Variants in ADCYAP1R1 observed in about 807,000 individuals in gnomAD.
ADCYAP1R1 encodes ADCYAP receptor type I.
ADCYAP1R1 carries 44 observed loss-of-function variants against 67.6 expected under a neutral mutation model. The observed-to-expected ratio is 0.65, with a 90% confidence interval of 0.51 to 0.84. The LOEUF (loss-of-function observed/expected upper bound fraction) is 0.84, where lower values mean the gene tolerates loss of function less well. Ranked by LOEUF, ADCYAP1R1 falls within the 40% of genes least tolerant of loss-of-function variation. The pLI, the probability that ADCYAP1R1 is intolerant of heterozygous loss-of-function variation, is 0.00. For synonymous variants in ADCYAP1R1, 222 were observed against 219.6 expected (o/e 1.01, Z -0.10); for missense variants, 477 against 587.9 (o/e 0.81, Z 1.95).
intron 6 of ADCYAP1R1, among the ~76,000 whole-genome samples, chr7:31,083,681 G>A (rs1320664061): frequency 6.6e-6 from 1 of 152,160 alleles, no homozygotes; most frequent in Admixed American, 6.5e-5. Flanking sequence ...TGTTCCCAAG[G>A]TGTGCCAAGG....
intron 1 of ADCYAP1R1, among the ~76,000 whole-genome samples, chr7:31,057,255 C>G (rs1415810647): frequency 6.6e-6 from 1 of 152,230 alleles, no homozygotes; most frequent in African/African-American, 2.4e-5. Flanking sequence ...TCTTCCTCCC[C>G]CTCCTCTTAC....
intron 3 of ADCYAP1R1, among the ~76,000 whole-genome samples, chr7:31,077,665 G>C (rs1286054074): frequency 6.9e-6 from 1 of 145,020 alleles, no homozygotes; most frequent in African/African-American, 2.6e-5. Context: ...TGTGTGTGTG[G>C]TGTATGTGTG....
intron 12 of ADCYAP1R1, among the ~76,000 whole-genome samples, chr7:31,091,940 T>C (rs1795978952): frequency 6.6e-6 from 1 of 151,990 alleles, no homozygotes; most frequent in East Asian, 1.9e-4. Context: ...TTTCCCTAGC[T>C]CTTGATTTGA....
rs1795732469 is a variant in ADCYAP1R1, at chr7:31,086,078, C to T, written c.670-306C>T. On this transcript the variant is annotated intron_variant, in intron 9 of 15. Transcript: ENST00000304166. This position sits in a 1 kb window ranked among gnomAD's most constrained non-coding sequence, Gnocchi z 5.0. The stretch of plus-strand genomic sequence containing the variant: ...GCAGGGTCCTCTGGCTGCTTCTCTC[C>T]CTACTCCTCTCCTCTGTGGGAGATA... Among the ~76,000 whole-genome samples, 1 of 152,188 alleles carries T rather than the reference C, an allele frequency of 6.6e-6. No individual in the cohort carries two copies. The highest frequency in any genetic ancestry group is 1.5e-5 in the Non-Finnish European group (1 of 68,026).
chr7:31,095,453 T>G (rs575047514), intron 13 of ADCYAP1R1, among the ~76,000 whole-genome samples: 1 of 151,614 alleles, frequency 6.6e-6, no homozygotes, highest in Admixed American at 6.6e-5. Context: ...CAGCCCAGAG[T>G]GCTTGGCAGA....
rs368788347 is a variant in ADCYAP1R1, at chr7:31,063,206, T to C, written c.-59T>C. The C allele has an allele frequency of 6.5e-5, 104 of 1,600,964 alleles. No homozygotes were observed. The highest frequency in any genetic ancestry group is 3.2e-4 in the Admixed American group (19 of 60,004). The stretch of plus-strand genomic sequence containing the variant: ...CCTTCCTCTCTAGCCCAGAGACACA[T>C]TGGGGCTGACCTGCCGCTGCTGTCA... On this transcript the variant is annotated 5_prime_UTR_variant, in exon 2 of 16. Transcript: ENST00000304166.
intron 6 of ADCYAP1R1, 41 bp downstream of exon 6, chr7:31,081,795 G>A (rs767353734): frequency 3.4e-5 from 52 of 1,548,346 alleles, no homozygotes; most frequent in Non-Finnish European, 4.3e-5. Flanking sequence ...CTGGCTGGAG[G>A]GAGGGCGTCT....
In ADCYAP1R1 at chr7:31,085,353, G is replaced by T. The variant is rs761523030; in HGVS notation, c.580G>T (p.Val194Leu). 5.6e-6 allele frequency: 9 copies of T among 1,614,098 alleles called. No individual in the cohort carries two copies. Among genetic ancestry groups the T allele is most frequent in the Non-Finnish European group, 6.8e-6 (8 of 1,180,032 alleles). Residue 194 changes from valine to leucine, a missense_variant, in exon 9 of 16, where the codon GTG becomes TTG. Val to Leu is a conservative substitution (Grantham distance 32). Coordinates refer to ENST00000304166, the MANE Select transcript of ADCYAP1R1 (RefSeq NM_001118.5). ...CAACTTCATCCACATGAACCTGTTT[G>T]TGTCGTTCATGCTGAGGGCGATCTC... The part of the protein sequence containing the change: ...TRNFIHMNLF[V>L]SFMLRAISVF...
rs752531466 is a variant in ADCYAP1R1 at position 31,109,399 on chromosome 7, A to T, written c.*2715A>T. ...GACTAGATGATTTGTATATAGCCCA[A>T]TGCATCTCTGGAACTCTGTCTAAAC... is the stretch of plus-strand genomic sequence containing the variant. On this transcript the variant is annotated 3_prime_UTR_variant, in exon 16 of 16. Coordinates refer to ENST00000304166, the MANE Select transcript of ADCYAP1R1 (RefSeq NM_001118.5). 1 of 152,258 alleles carries T rather than the reference A, an allele frequency of 6.6e-6. No homozygotes were observed. Among genetic ancestry groups the T allele is most frequent in the Non-Finnish European group, 1.5e-5 (1 of 68,082 alleles). 9.4% of individuals were successfully genotyped at this position (152,258 alleles called of 1,614,324 possible).
At chr7:31,080,440 G>GT (rs1795469232) in intron 4 of ADCYAP1R1, among the ~76,000 whole-genome samples, 173 bp from the exon 5 acceptor site, 1 of 152,134 alleles carries the variant, frequency 6.6e-6, no homozygotes, top group Admixed American at 6.5e-5. Context: ...GGTCTCCAGT[G>GT]TCCCCAGCTT....
intron 3 of ADCYAP1R1, among the ~76,000 whole-genome samples, chr7:31,077,418 G>GA (rs1195152826): frequency 1.7e-5 from 1 of 58,858 alleles, no homozygotes; most frequent in African/African-American, 7.1e-5. Flanking sequence ...TGTGTGTGAT[G>GA]TGTGTGTGGT....
intron 6 of ADCYAP1R1, among the ~76,000 whole-genome samples, chr7:31,083,706 C>T (rs1348396358): frequency 6.6e-6 from 1 of 152,200 alleles, no homozygotes; most frequent in Non-Finnish European, 1.5e-5. Flanking sequence ...CACCCACACC[C>T]TGCAGTCACC....
intron 3 of ADCYAP1R1, among the ~76,000 whole-genome samples, chr7:31,067,202 C>T (rs745644407): frequency 5.3e-5 from 8 of 152,130 alleles, no homozygotes; most frequent in East Asian, 1.9e-4. Context: ...GAGGCTGCAC[C>T]CTCTCACGAT....
In ADCYAP1R1 at chr7:31,087,693, C is replaced by T. The variant is rs1005819223; in HGVS notation, c.951C>T (p.Ile317=). 4.3e-5 allele frequency: 70 copies of T among 1,613,386 alleles called. No individual in the cohort carries two copies. Among genetic ancestry groups the T allele is most frequent in the Non-Finnish European group, 5.8e-5 (69 of 1,179,628 alleles). Residue 317 remains isoleucine, a synonymous_variant, in exon 12 of 16, where the codon ATC becomes ATT. Coordinates refer to ENST00000304166, the MANE Select transcript of ADCYAP1R1 (RefSeq NM_001118.5). ...WVIKGPVVGS[I]MVNFVLFIGI... ...TCAAAGGCCCTGTGGTTGGCTCTAT[C>T]ATGGTGAGTGTCCTTGGGATGAAGA...
chr7:31,084,661 C>G, intron 7 of ADCYAP1R1, 76 bp from the exon 8 acceptor site: 1 of 1,238,840 alleles, frequency 8.1e-7, no homozygotes, highest in Non-Finnish European at 1.2e-6. Flanking sequence ...GCCTGGGAGA[C>G]TGGGTGCAGG....
In ADCYAP1R1 at chr7:31,109,757, T is replaced by G. The variant is rs1796785679; in HGVS notation, c.*3073T>G. ...ATCCTGGAGGAAATGGGATTCCAAG[T>G]CAAGGATGCTGAGGCTGTCAGGGAG... On this transcript the variant is annotated 3_prime_UTR_variant, in exon 16 of 16. Coordinates refer to ENST00000304166, the MANE Select transcript of ADCYAP1R1 (RefSeq NM_001118.5). The G allele has an allele frequency of 6.6e-6, 1 of 152,372 alleles. No homozygotes were observed. Among genetic ancestry groups the G allele is most frequent in the Non-Finnish European group, 1.5e-5 (1 of 68,058 alleles). The allele number at this position is 152,372 out of a possible 1,614,324, so 9.4% of individuals were successfully genotyped here.
chr7:31,073,567 C>T (rs1164734120), intron 3 of ADCYAP1R1, among the ~76,000 whole-genome samples: 1 of 152,212 alleles, frequency 6.6e-6, no homozygotes, highest in Non-Finnish European at 1.5e-5. Flanking sequence ...AACTCCCATC[C>T]TCCCAAGCTC....
chr7:31,106,630 G>C lies in ADCYAP1R1; in HGVS notation c.1353G>C (p.Lys451Asn), dbSNP rs756872394. Residue 451 changes from lysine to asparagine, a missense_variant, in exon 16 of 16, where the codon AAG becomes AAC. Coordinates refer to ENST00000304166, the MANE Select transcript of ADCYAP1R1 (RefSeq NM_001118.5). ...GCACCCAGCTCTCCATCCTGAGCAAGAGCAGCTCCCAAATCCGCATGTCTG... is the reference window on the plus strand; with the variant it reads ...GCACCCAGCTCTCCATCCTGAGCAACAGCAGCTCCCAAATCCGCATGTCTG... ...NGGTQLSILS[K>N]SSSQIRMSGL... 6.2e-7 allele frequency: 1 copy of C among 1,613,614 alleles called. No individual in the cohort carries two copies. The highest frequency in any genetic ancestry group is 8.5e-7 in the Non-Finnish European group (1 of 1,179,742).
chr7:31,084,081 A>T, intron 6 of ADCYAP1R1, 60 bp from the exon 7 acceptor site: 1 of 1,464,346 alleles, frequency 6.8e-7, no homozygotes, highest in East Asian at 2.3e-5. Context: ...ATTTTTGCAT[A>T]AGAATTTCAG....
Sources: allele counts gnomAD v4.1 joint callset (sites outside exome capture counted in the v4.1 genomes callset), GRCh38; gene constraint gnomAD v4.1.1; non-coding constraint Gnocchi (gnomAD v3.1); transcripts MANE v1.5; gene names NCBI Gene and HGNC (gene_info 2026-07-23, HGNC 2026-07-21).